NAT1: variants seen among roughly 807,000 people sequenced by gnomAD.
NAT1 encodes the protein arylamine N-acetyltransferase 1.
For synonymous variants in NAT1, 144 were observed against 122.6 expected, an observed-to-expected ratio of 1.17 and a Z score of -1.16; for missense variants, 400 against 339.2, an observed-to-expected ratio of 1.18 and a Z score of -1.41.
chr8:18,223,100 C>G lies in NAT1; in HGVS notation c.*180C>G. ...ACAGCTTTTTAAAGAAACATAACCACAAACCTTTTCAAATAATAATAATAA... is the reference window on the plus strand; with the variant it reads ...ACAGCTTTTTAAAGAAACATAACCAGAAACCTTTTCAAATAATAATAATAA... On this transcript the variant is annotated 3_prime_UTR_variant, in exon 3 of 3. Coordinates refer to ENST00000307719, the MANE Select transcript of NAT1 (RefSeq NM_000662.8). 3.7e-6 allele frequency: 1 copy of G among 271,342 alleles called. No individual in the cohort carries two copies. The highest frequency in any genetic ancestry group is 7.2e-6 in the Non-Finnish European group (1 of 139,764). 16.8% of individuals were successfully genotyped at this position (271,342 alleles called of 1,614,324 possible). A position where few individuals can be genotyped will look rare whatever the true frequency, so the allele number is the denominator to read the frequency against.
intron 2 of NAT1, among the ~76,000 whole-genome samples, chr8:18,186,050 T>C (rs573398207): frequency 6.6e-6 from 1 of 152,296 alleles, no homozygotes; most frequent in Non-Finnish European, 1.5e-5. Context: ...GGTTAACACT[T>C]GCGTTACACG....
At chr8:18,173,284 C>T (rs1802166468) in intron 2 of NAT1, among the ~76,000 whole-genome samples, 1 of 152,182 alleles carries the variant, frequency 6.6e-6, no homozygotes, top group African/African-American at 2.4e-5. Context: ...ACTTTAGAAT[C>T]AGGGTGTCTC....
chr8:18,177,820 G>A (rs751797126), intron 2 of NAT1, among the ~76,000 whole-genome samples: 1 of 152,090 alleles, frequency 6.6e-6, no homozygotes, highest in African/African-American at 2.4e-5. Flanking sequence ...AATCCAAAAG[G>A]CAGCTTAGAA....
chr8:18,216,954 T>G, intron 1 of NAT1: 1 of 1,551,316 alleles, frequency 6.4e-7, no homozygotes, highest in East Asian at 2.4e-5. Flanking sequence ...AGCTGTTGGC[T>G]ATAATAGCCT....
At chr8:18,204,165 C>T (rs183361588) in intron 2 of NAT1, among the ~76,000 whole-genome samples, 1 of 148,008 alleles carries the variant, frequency 6.8e-6, no homozygotes, top group Non-Finnish European at 1.5e-5. Flanking sequence ...GGATGTCTTT[C>T]TCTCTCTCTC....
chr8:18,194,382 C>G (rs1410091834), intron 2 of NAT1, among the ~76,000 whole-genome samples: 1 of 152,096 alleles, frequency 6.6e-6, no homozygotes, highest in African/African-American at 2.4e-5. Context: ...ATTAGGATTT[C>G]TCAGATTTTC....
chr8:18,205,033 G>A (rs535730839), intron 2 of NAT1, among the ~76,000 whole-genome samples: 1 of 152,166 alleles, frequency 6.6e-6, no homozygotes, highest in Non-Finnish European at 1.5e-5. Flanking sequence ...GGCTCCTTGA[G>A]TTTAGGTATC....
intron 1 of NAT1, among the ~76,000 whole-genome samples, chr8:18,217,493 C>T (rs1804803078): frequency 6.6e-6 from 1 of 152,138 alleles, no homozygotes; most frequent in African/African-American, 2.4e-5. Flanking sequence ...GTGTTGAGCC[C>T]TGGGGAAAAA....
chr8:18,173,508 C>T (rs1044032659), intron 2 of NAT1, among the ~76,000 whole-genome samples: 1 of 152,154 alleles, frequency 6.6e-6, no homozygotes, highest in Non-Finnish European at 1.5e-5. Flanking sequence ...CCCAGAGCCA[C>T]ATAAAGGGCT....
intron 2 of NAT1, among the ~76,000 whole-genome samples, chr8:18,193,067 A>ATTTTTTT (rs1167481551): frequency 1.3e-5 from 1 of 79,606 alleles, no homozygotes; most frequent in Non-Finnish European, 2.2e-5. Flanking sequence ...ATGAATTAGA[A>ATTTTTTT]TTTTTTTTTT....
intron 2 of NAT1, among the ~76,000 whole-genome samples, chr8:18,193,611 T>C (rs1479935147): frequency 7.0e-6 from 1 of 142,196 alleles, no homozygotes; most frequent in Middle Eastern, 3.8e-3. Context: ...GATATTGTAA[T>C]AATGCTACCT....
intron 2 of NAT1, among the ~76,000 whole-genome samples, chr8:18,183,426 G>A (rs1221257267): frequency 2.0e-5 from 3 of 152,180 alleles, no homozygotes; most frequent in Admixed American, 2.0e-4. Flanking sequence ...GTCCCGGTAA[G>A]TCCAAAGTCC....
intron 2 of NAT1, among the ~76,000 whole-genome samples, chr8:18,196,404 A>G (rs993851833): frequency 1.3e-5 from 2 of 152,130 alleles, no homozygotes; most frequent in East Asian, 1.9e-4. Context: ...TGAGGAAAAA[A>G]GAAAAAAAAA....
rs779762616 is a variant in NAT1 at position 18,176,644 on chromosome 8, GAA to G, written n.92+5907_92+5908del. 6.0e-5 allele frequency among the ~76,000 whole-genome samples: 9 copies of G among 150,808 alleles called. No homozygotes were observed. The East Asian group carries it at 1.2e-3, about 20-fold the overall frequency. ...ACATTCATAATATTTTTGAAATCAG[GAA>G]ATGTGATGCCTTCTACTTTGTTCTT... On this transcript the variant is annotated intron_variant and non_coding_transcript_variant, in intron 2 of 4. Transcript: ENST00000517441.
At chr8:18,207,569 C>A (rs1281590023), upstream of NAT1, among the ~76,000 whole-genome samples, 1 of 152,134 alleles carries the variant, frequency 6.6e-6, no homozygotes, top group Non-Finnish European at 1.5e-5. Flanking sequence ...CAGTGAGATA[C>A]CATCTCTTGC....
In NAT1 at chr8:18,178,343, T is replaced by C. The variant is rs943470911; in HGVS notation, n.92+7604T>C. Among the ~76,000 whole-genome samples, 5 of 152,248 alleles carry C rather than the reference T, an allele frequency of 3.3e-5. No homozygotes were observed. In the East Asian group the frequency reaches 9.6e-4, roughly 29 times the overall value. Reference sequence around the variant, plus strand: ...AGAATATTAAGCTACTGAACATAAGTCAAAAGAGAATAAAAGTTTAGTGTG... The same window carrying C: ...AGAATATTAAGCTACTGAACATAAGCCAAAAGAGAATAAAAGTTTAGTGTG... On this transcript the variant is annotated intron_variant and non_coding_transcript_variant, in intron 2 of 4. Transcript: ENST00000517441.
chr8:18,181,539 A>T (rs948176393), intron 2 of NAT1, among the ~76,000 whole-genome samples: 10 of 152,142 alleles, frequency 6.6e-5, no homozygotes, highest in Non-Finnish European at 1.0e-4. Context: ...CTTTCTTTCC[A>T]GTTGAGATGC....
At chr8:18,205,253 A>G (rs922264112), upstream of NAT1, among the ~76,000 whole-genome samples, 7 of 152,108 alleles carry the variant, frequency 4.6e-5, no homozygotes, top group Non-Finnish European at 8.8e-5. Flanking sequence ...GCCTCCCTTC[A>G]TCATAGGGGT....
rs544304517 is a variant in NAT1, at chr8:18,214,667, G to A, written c.-86+4487G>A. 4.3e-4 allele frequency among the ~76,000 whole-genome samples: 66 copies of A among 152,112 alleles called. 2 individuals are homozygous for A. The highest frequency in any genetic ancestry group is 3.4e-3 in the Middle Eastern group (1 of 294). On this transcript the variant is annotated intron_variant, in intron 1 of 2. Coordinates refer to ENST00000307719, the MANE Select transcript of NAT1 (RefSeq NM_000662.8). Reference sequence around the variant, plus strand: ...TAGCTTCAATTTCTTCATCATTTCAGGAAAATATTTATCTTTACATACATT... The same window carrying A: ...TAGCTTCAATTTCTTCATCATTTCAAGAAAATATTTATCTTTACATACATT...
Sources: allele counts gnomAD v4.1 joint callset (sites outside exome capture counted in the v4.1 genomes callset), GRCh38; gene constraint gnomAD v4.1.1; transcripts MANE v1.5; gene names NCBI Gene and HGNC (gene_info 2026-07-23, HGNC 2026-07-21).